Variants in TAOK3 observed in about 807,000 individuals in gnomAD.
TAOK3 encodes the protein TAO kinase 3, also known as serine/threonine-protein kinase TAO3.
In TAOK3, 40 loss-of-function variants were observed where a neutral mutation model predicts 120.4. The ratio of observed to expected loss-of-function variants is 0.33; its 90% CI spans 0.26 to 0.43. TAOK3 has a LOEUF of 0.43. Among genes scored for constraint, TAOK3 ranks in the 20% least tolerant of loss-of-function variants. The probability of loss-of-function intolerance (pLI) is 1.00; values close to 1 mark genes in which losing one functional copy is unlikely to be tolerated. For synonymous variants in TAOK3, 355 were observed against 387.5 expected, an observed-to-expected ratio of 0.92 and a Z score of 0.99; for missense variants, 821 against 1,112.1, an observed-to-expected ratio of 0.74 and a Z score of 3.72.
intron 15 of TAOK3, among the ~76,000 whole-genome samples, 181 bp from the exon 16 acceptor site, chr12:118,177,510 A>C (rs559733616): frequency 5.9e-4 from 89 of 152,026 alleles, no homozygotes; most frequent in African/African-American, 1.5e-3. Flanking sequence ...AAAAAAAAAA[A>C]CACCAGAAAT....
chr12:118,294,871 G>A (rs186349145), intron 1 of TAOK3, among the ~76,000 whole-genome samples: 60 of 152,180 alleles, frequency 3.9e-4, no homozygotes, highest in African/African-American at 1.4e-3. Flanking sequence ...CAGAGTGACC[G>A]GAAAAATGGA....
At chr12:118,336,186 A>G (rs890646221) in intron 1 of TAOK3, among the ~76,000 whole-genome samples, 1 of 152,352 alleles carries the variant, frequency 6.6e-6, no homozygotes, top group Non-Finnish European at 1.5e-5. Context: ...CTCAATATTA[A>G]GTCTTCCTAT....
At chr12:118,332,578 T>G (rs973485100) in intron 1 of TAOK3, among the ~76,000 whole-genome samples, 1 of 152,248 alleles carries the variant, frequency 6.6e-6, no homozygotes, top group African/African-American at 2.4e-5. Flanking sequence ...TAAAGAAGAT[T>G]AAATCTTTAT....
At chr12:118,301,072 T>C (rs1036814879) in intron 1 of TAOK3, among the ~76,000 whole-genome samples, 1 of 152,072 alleles carries the variant, frequency 6.6e-6, no homozygotes, top group African/African-American at 2.4e-5. Flanking sequence ...CACTGCATCC[T>C]GCCTATTTTT....
chr12:118,369,176 A>G (rs549853307), intron 1 of TAOK3, among the ~76,000 whole-genome samples: 1 of 152,292 alleles, frequency 6.6e-6, no homozygotes, highest in East Asian at 1.9e-4. Context: ...TGACAGAGCT[A>G]CATACACCCT....
Position 118,371,177 on chromosome 12 carries a change from C to G in TAOK3, c.-194+1471G>C, listed in dbSNP as rs569160318. ...GAAAAACCAGTAGTCCAGGAAAACGCAAGGGTCTATCAAAGAAATATTCTT... is the reference window on the plus strand; with the variant it reads ...GAAAAACCAGTAGTCCAGGAAAACGGAAGGGTCTATCAAAGAAATATTCTT... On this transcript the variant is annotated intron_variant, in intron 1 of 20. Transcript: ENST00000392533. This position sits in a 1 kb window ranked among gnomAD's most constrained non-coding sequence, Gnocchi z 5.5. 5.3e-5 allele frequency among the ~76,000 whole-genome samples: 8 copies of G among 152,254 alleles called. No homozygotes were observed. The South Asian group carries it at 1.7e-3, about 32-fold the overall frequency.
At chr12:118,309,915 T>C (rs900626754) in intron 1 of TAOK3, among the ~76,000 whole-genome samples, 8 of 152,180 alleles carry the variant, frequency 5.3e-5, no homozygotes, top group African/African-American at 1.7e-4. Flanking sequence ...CCTGTTTCTC[T>C]TCTTTTACCA....
chr12:118,270,756 G>A (rs1045534281), intron 1 of TAOK3, among the ~76,000 whole-genome samples: 2 of 148,684 alleles, frequency 1.3e-5, no homozygotes. Context: ...TTCACTGCAA[G>A]CTCCGCCTCC....
At position 118,217,811 on chromosome 12, in the gene TAOK3, G is replaced by GTGTGTGTGTATA. The variant is rs1353848789; in HGVS notation, c.644-3702_644-3701insTATACACACACA. ...TGTATGTATGTATGTGTGTGTGTGTGTATACATATATATATATATATATAT... is the reference window on the plus strand; with the variant it reads ...TGTATGTATGTATGTGTGTGTGTGTGTGTGTGTGTATATATACATATATATATATATATATAT... On this transcript the variant is annotated intron_variant, in intron 9 of 20. Coordinates refer to ENST00000392533, the MANE Select transcript of TAOK3 (RefSeq NM_016281.4). 3.1e-4 allele frequency among the ~76,000 whole-genome samples: 23 copies of GTGTGTGTGTATA among 75,386 alleles called. 2 individuals carry two copies. The highest frequency in any genetic ancestry group is 1.1e-3 in the East Asian group (3 of 2,802). The allele number at this position is 75,386 out of a possible 152,430, so 49.5% of individuals were successfully genotyped here.
intron 1 of TAOK3, among the ~76,000 whole-genome samples, chr12:118,309,091 G>A (rs1363233367): frequency 6.6e-6 from 1 of 151,956 alleles, no homozygotes; most frequent in Non-Finnish European, 1.5e-5. Context: ...CACTTTGGGA[G>A]GCCAAGGAGG....
intron 3 of TAOK3, among the ~76,000 whole-genome samples, chr12:118,251,577 G>C (rs1046685641): frequency 6.6e-6 from 1 of 152,136 alleles, no homozygotes; most frequent in African/African-American, 2.4e-5. Context: ...TACTGTAAAT[G>C]AGATCGTGCC....
intron 1 of TAOK3, among the ~76,000 whole-genome samples, chr12:118,349,276 G>C (rs2045028347): frequency 6.6e-6 from 1 of 152,168 alleles, no homozygotes; most frequent in Admixed American, 6.5e-5. Context: ...ATACCCAAGA[G>C]AATGGAAAAA....
intron 1 of TAOK3, chr12:118,296,909 C>T (rs1236330330): frequency 6.6e-6 from 1 of 152,156 alleles, no homozygotes; most frequent in Non-Finnish European, 1.5e-5. Flanking sequence ...CCACTGGCTA[C>T]TATAGTGTTT....
At chr12:118,332,418 C>G (rs901432740) in intron 1 of TAOK3, among the ~76,000 whole-genome samples, 4 of 152,046 alleles carry the variant, frequency 2.6e-5, no homozygotes, top group Admixed American at 1.3e-4. Flanking sequence ...TCTCTTTTCT[C>G]AGTCTTTTAT....
intron 11 of TAOK3, among the ~76,000 whole-genome samples, chr12:118,203,602 G>A (rs1165583364): frequency 6.6e-6 from 1 of 151,848 alleles, no homozygotes; most frequent in African/African-American, 2.4e-5. Flanking sequence ...TACTCGGGAT[G>A]CTGAGGCAGC....
chr12:118,234,227 T>TG (rs2039918539), intron 8 of TAOK3, among the ~76,000 whole-genome samples: 1 of 109,854 alleles, frequency 9.1e-6, no homozygotes, highest in Non-Finnish European at 1.9e-5. Flanking sequence ...TTTTTTTTTT[T>TG]TTTTTTTTTT....
At chr12:118,349,771 T>TA (rs952370054) in intron 1 of TAOK3, among the ~76,000 whole-genome samples, 20 of 151,962 alleles carry the variant, frequency 1.3e-4, no homozygotes, top group Non-Finnish European at 1.9e-4. Context: ...TTATCTAAAT[T>TA]AAAAAAAACA....
intron 1 of TAOK3, among the ~76,000 whole-genome samples, chr12:118,330,312 C>A (rs766974938): frequency 1.3e-5 from 2 of 152,194 alleles, no homozygotes; most frequent in Non-Finnish European, 2.9e-5. Flanking sequence ...TAGGTCTTTA[C>A]GTCTTTTGTC....
At chr12:118,289,296 C>CAAAAA (rs59297201) in intron 1 of TAOK3, among the ~76,000 whole-genome samples, 8 of 78,694 alleles carry the variant, frequency 1.0e-4, no homozygotes, top group Admixed American at 1.6e-4. Flanking sequence ...AAGACTGTCT[C>CAAAAA]AAAAAAAAAA....
Sources: gnomAD v4.1 joint callset for allele counts (sites outside exome capture counted in the v4.1 genomes callset) on GRCh38, gnomAD v4.1.1 for gene constraint, Gnocchi (gnomAD v3.1) non-coding constraint, MANE v1.5 for transcripts, NCBI Gene and HGNC (gene_info 2026-07-23, HGNC 2026-07-21) for gene names.